Variants in TBC1D30 observed in about 807,000 individuals in gnomAD.
TBC1D30 encodes TBC1 domain family, member 30.
In TBC1D30, 31 loss-of-function variants were observed where a neutral mutation model predicts 63.2. The ratio of observed to expected loss-of-function variants is 0.49; its 90% CI spans 0.37 to 0.66. The LOEUF (loss-of-function observed/expected upper bound fraction) is 0.66, where lower values mean the gene tolerates loss of function less well. Among genes scored for constraint, TBC1D30 ranks in the 30% least tolerant of loss-of-function variants. The pLI is 0.00. For synonymous variants in TBC1D30, 307 were observed against 361.5 expected (o/e 0.85, Z 1.71); for missense variants, 810 against 953.6 (o/e 0.85, Z 1.98).
chr12:64,779,789 C>T (rs1329678498), upstream of TBC1D30, among the ~76,000 whole-genome samples: 1 of 152,130 alleles, frequency 6.6e-6, no homozygotes, highest in African/African-American at 2.4e-5. Flanking sequence ...GCCTCAGCTC[C>T]CTCAGCTGAA....
chr12:64,840,197 C>T (rs1055255782), intron 7 of TBC1D30, among the ~76,000 whole-genome samples: 6 of 152,044 alleles, frequency 3.9e-5, no homozygotes, highest in Non-Finnish European at 8.8e-5. Context: ...TTCATTACCC[C>T]CCAATAGCTA....
At chr12:64,787,984 A>G (rs1193735130) in intron 2 of TBC1D30, among the ~76,000 whole-genome samples, 1 of 152,160 alleles carries the variant, frequency 6.6e-6, no homozygotes, top group Non-Finnish European at 1.5e-5. Flanking sequence ...CAGTGAGCCA[A>G]GATTGCGCCA....
At chr12:64,800,484 G>T (rs1267638073) in intron 2 of TBC1D30, among the ~76,000 whole-genome samples, 1 of 152,198 alleles carries the variant, frequency 6.6e-6, no homozygotes, top group Non-Finnish European at 1.5e-5. Flanking sequence ...TGGGAAAGGG[G>T]CTCCTGGAAG....
intron 1 of TBC1D30, among the ~76,000 whole-genome samples, chr12:64,781,471 G>A (rs540385053): frequency 6.6e-6 from 1 of 152,302 alleles, no homozygotes; most frequent in Admixed American, 6.5e-5. Flanking sequence ...TAAGTTCTCC[G>A]GAGTAATTGA....
At chr12:64,874,971 C>G (rs1004959507) in intron 11 of TBC1D30, 30 bp from the exon 12 acceptor site, 8 of 1,517,108 alleles carry the variant, frequency 5.3e-6, no homozygotes, top group Non-Finnish European at 6.2e-6. Context: ...TTGTGGTACA[C>G]TTCATACTAC....
intron 1 of TBC1D30, among the ~76,000 whole-genome samples, chr12:64,783,758 C>G (rs896696051): frequency 6.6e-6 from 1 of 150,906 alleles, no homozygotes; most frequent in Admixed American, 6.6e-5. Context: ...ATGTAAGAAC[C>G]CTTTTGTGGA....
At chr12:64,790,584 C>T (rs1156317737) in intron 2 of TBC1D30, among the ~76,000 whole-genome samples, 2 of 152,180 alleles carry the variant, frequency 1.3e-5, no homozygotes, top group South Asian at 2.1e-4. Flanking sequence ...TGAATATATG[C>T]AGAAATATTA....
intron 8 of TBC1D30, among the ~76,000 whole-genome samples, chr12:64,845,138 G>A (rs917965329): frequency 4.6e-5 from 7 of 152,270 alleles, no homozygotes; most frequent in South Asian, 2.1e-4. Context: ...GTACCCAGCA[G>A]GGAATTTTTG....
At position 64,880,718 on chromosome 12, in the gene TBC1D30, C is replaced by T. The variant is rs973789622; in HGVS notation, c.*4930C>T. ...AAAGTGTCACTTGATTCCATTCTCT[C>T]CATCCCTTCCATCCCAGGCAATCTT... On this transcript the variant is annotated 3_prime_UTR_variant, in exon 12 of 12. Transcript: ENST00000539867. The T allele has an allele frequency of 2.0e-5, 3 of 152,234 alleles. No individual in the cohort carries two copies. The highest frequency in any genetic ancestry group is 2.9e-5 in the Non-Finnish European group (2 of 68,046). 9.4% of individuals were successfully genotyped at this position (152,234 alleles called of 1,614,324 possible).
chr12:64,820,512 G>A (rs1873828405), upstream of TBC1D30, among the ~76,000 whole-genome samples: 1 of 152,218 alleles, frequency 6.6e-6, no homozygotes, highest in South Asian at 2.1e-4. Context: ...CCAATGTGAA[G>A]TGTTCATTAA....
In TBC1D30 at chr12:64,875,153, C is replaced by G; in HGVS notation, c.1651C>G (p.Pro551Ala). 6.5e-7 allele frequency: 1 copy of G among 1,536,424 alleles called. No individual in the cohort carries two copies. The highest frequency in any genetic ancestry group is 8.7e-7 in the Non-Finnish European group (1 of 1,146,950). ...IPGHTGGKIS[P>A]VPYEDLKTKL... is the part of the protein sequence containing the mutation. ...TGGTCACACAGGAGGGAAAATATCT[C>G]CTGTCCCCTACGAAGACCTTAAGAC... The change falls in exon 12 of 12, where the codon CCT (proline) becomes GCT (alanine). Residue 551 changes from proline to alanine, a missense_variant. By Grantham distance (27) the Pro-to-Ala change is conservative. This residue lies in a region of TBC1D30 where 450 missense variants were observed against 473.0 expected (regional missense o/e 0.95). Coordinates refer to ENST00000539867, the MANE Select transcript of TBC1D30 (RefSeq NM_015279.2).
Position 64,875,082 on chromosome 12 carries a change from T to C in TBC1D30, c.1580T>C (p.Met527Thr). ...VINHLLLGKK[M>T]KMTNRAAKNA... Reference sequence around the variant, plus strand: ...AACCACCTTCTTTTAGGAAAGAAGATGAAAATGACTAACAGAGCTGCCAAG... The same window carrying C: ...AACCACCTTCTTTTAGGAAAGAAGACGAAAATGACTAACAGAGCTGCCAAG... The change falls in exon 12 of 12, where the codon ATG (methionine) becomes ACG (threonine). Residue 527 changes from methionine to threonine, a missense_variant. Physicochemically the swap from Met to Thr is moderately conservative, Grantham distance 81. Coordinates refer to ENST00000539867, the MANE Select transcript of TBC1D30 (RefSeq NM_015279.2). The C allele has an allele frequency of 6.5e-7, 1 of 1,536,520 alleles. No individual in the cohort carries two copies. Among genetic ancestry groups the C allele is most frequent in the Non-Finnish European group, 8.7e-7 (1 of 1,146,966 alleles).
chr12:64,783,256 A>T (rs556357520), intron 1 of TBC1D30, among the ~76,000 whole-genome samples: 1 of 152,154 alleles, frequency 6.6e-6, no homozygotes, highest in African/African-American at 2.4e-5. Flanking sequence ...GGTTAAGGGG[A>T]TGAATTTTGG....
intron 8 of TBC1D30, among the ~76,000 whole-genome samples, chr12:64,856,180 G>A (rs946496277): frequency 1.3e-5 from 2 of 151,766 alleles, no homozygotes; most frequent in East Asian, 1.9e-4. Context: ...GGGTGGGGGC[G>A]GTGCCACACA....
At chr12:64,824,596 T>C (rs1482154672), upstream of TBC1D30, 1 of 305,182 alleles carries the variant, frequency 3.3e-6, no homozygotes, top group East Asian at 4.9e-5. Flanking sequence ...TCCCACGCGC[T>C]CGCTCGCTCG....
In TBC1D30 at chr12:64,870,612, G is replaced by A. The variant is rs1477323763; in HGVS notation, c.1302G>A (p.Glu434=). Residue 434 remains glutamate, a synonymous_variant, in exon 11 of 12, where the codon GAG becomes GAA. Transcript: ENST00000539867. The part of the protein sequence containing the change: ...KYQKQIKEPN[E]EQSLRSNNIA... Reference sequence around the variant, plus strand: ...ATCCTTCGAGCGCAGAGCCAAATGAGGAGCAGAGTCTGAGATCTAATAACA... The same window carrying A: ...ATCCTTCGAGCGCAGAGCCAAATGAAGAGCAGAGTCTGAGATCTAATAACA... 6.5e-7 allele frequency: 1 copy of A among 1,536,106 alleles called. No homozygotes were observed. Among genetic ancestry groups the A allele is most frequent in the Non-Finnish European group, 8.7e-7 (1 of 1,146,836 alleles).
At chr12:64,836,993 T>TA (rs1005133020) in intron 6 of TBC1D30, among the ~76,000 whole-genome samples, 1 of 152,164 alleles carries the variant, frequency 6.6e-6, no homozygotes, top group Non-Finnish European at 1.5e-5. Flanking sequence ...TAGGAGTCTT[T>TA]AAAAATGAGC....
In TBC1D30 at chr12:64,813,071, T is replaced by C. The variant is rs1873307421; in HGVS notation, c.644-14764T>C. Among the ~76,000 whole-genome samples the C allele has an allele frequency of 3.3e-5, 5 of 152,196 alleles. No homozygotes were observed. The South Asian group carries it at 1.0e-3, about 32-fold the overall frequency. Reference sequence around the variant, plus strand: ...ATTGTTGGTAATCTATGACAAATGTTGTAAGGTAGGTTTAAATGTCCTTAA... The same window carrying C: ...ATTGTTGGTAATCTATGACAAATGTCGTAAGGTAGGTTTAAATGTCCTTAA... On this transcript the variant is annotated intron_variant, in intron 2 of 12. Coordinates refer to the TBC1D30 transcript ENST00000542120.
Position 64,875,806 on chromosome 12 carries a change from G to GT in TBC1D30, c.*19dup. Reference sequence around the variant, plus strand: ...AACGATGATGTCTCCCCGAAACTTTGTATCTGGACTCACCTTTTCACAGTA... The same window carrying GT: ...AACGATGATGTCTCCCCGAAACTTTGTTATCTGGACTCACCTTTTCACAGTA... On this transcript the variant is annotated 3_prime_UTR_variant, in exon 12 of 12. Transcript: ENST00000539867. 1 of 1,515,102 alleles carries GT rather than the reference G, an allele frequency of 6.6e-7. No homozygotes were observed. Among genetic ancestry groups the GT allele is most frequent in the Non-Finnish European group, 8.8e-7 (1 of 1,137,622 alleles). 93.9% of individuals were successfully genotyped at this position (1,515,102 alleles called of 1,614,324 possible).
Sources: gnomAD v4.1 joint callset for allele counts (sites outside exome capture counted in the v4.1 genomes callset) on GRCh38, gnomAD v4.1.1 for gene constraint, gnomAD v4.1.1 regional missense constraint, MANE v1.5 for transcripts, NCBI Gene and HGNC (gene_info 2026-07-23, HGNC 2026-07-21) for gene names.